The following NAV2 variants were observed in gnomAD, a reference collection of about 807,000 sequenced individuals.
NAV2 encodes helicase, APC down-regulated 1.
NAV2 carries 54 observed loss-of-function variants against 223.2 expected under a neutral mutation model. That is an observed-to-expected ratio of 0.24 (90% CI 0.19 to 0.30). The LOEUF (loss-of-function observed/expected upper bound fraction) is 0.30, where lower values mean the gene tolerates loss of function less well. Ranked by LOEUF, NAV2 falls within the 10% of genes least tolerant of loss-of-function variation. The pLI, the probability that NAV2 is intolerant of heterozygous loss-of-function variation, is 1.00. For missense variants in NAV2, 2,806 were observed against 3,147.5 expected (o/e 0.89, Z 2.60); for synonymous variants, 1,279 against 1,239.3 (o/e 1.03, Z -0.67).
chr11:20,012,364 T>C (rs1211611730), intron 11 of NAV2, among the ~76,000 whole-genome samples: 3 of 152,220 alleles, frequency 2.0e-5, no homozygotes, highest in Admixed American at 2.0e-4. Flanking sequence ...AATACCATGA[T>C]GGTGCCTACT....
chr11:19,488,459 A>G (rs552166315), intron 1 of NAV2, among the ~76,000 whole-genome samples: 1 of 152,324 alleles, frequency 6.6e-6, no homozygotes, highest in East Asian at 1.9e-4. Flanking sequence ...ATGCTTAATC[A>G]CGTGGCACAA....
intron 1 of NAV2, among the ~76,000 whole-genome samples, chr11:19,770,856 A>G (rs2055665245): frequency 6.6e-6 from 1 of 152,208 alleles, no homozygotes; most frequent in East Asian, 1.9e-4. Flanking sequence ...GTACATATCC[A>G]GATTCCCAGC....
chr11:19,624,351 C>A (rs1327856886), intron 1 of NAV2, among the ~76,000 whole-genome samples: 1 of 152,166 alleles, frequency 6.6e-6, no homozygotes, highest in African/African-American at 2.4e-5. Flanking sequence ...TTCAGCTATG[C>A]CCTGCCCCCA....
intron 1 of NAV2, among the ~76,000 whole-genome samples, chr11:19,550,624 CA>C (rs1488559734): frequency 6.6e-6 from 1 of 152,226 alleles, no homozygotes; most frequent in Non-Finnish European, 1.5e-5. Context: ...GCCACCTCTT[CA>C]GATGCTCAAT....
At chr11:19,947,594 G>C (rs762088222) in intron 9 of NAV2, among the ~76,000 whole-genome samples, 9 of 152,198 alleles carry the variant, frequency 5.9e-5, no homozygotes, top group Non-Finnish European at 1.3e-4. Context: ...TCTTCTGCAG[G>C]GAAGAATCTC....
At chr11:19,892,372 C>A in intron 5 of NAV2, 62 bp from the exon 6 acceptor site, 1 of 1,520,274 alleles carries the variant, frequency 6.6e-7, no homozygotes, top group Non-Finnish European at 8.9e-7. Flanking sequence ...GCAGTTCCTT[C>A]TTCCTACACA....
At chr11:19,912,654 T>C (rs906556395) in intron 6 of NAV2, among the ~76,000 whole-genome samples, 1 of 152,184 alleles carries the variant, frequency 6.6e-6, no homozygotes, top group African/African-American at 2.4e-5. Flanking sequence ...ACCATGTCCT[T>C]ATAGGCATGT....
chr11:19,736,680 G>T (rs2052331956), intron 1 of NAV2, among the ~76,000 whole-genome samples: 1 of 152,142 alleles, frequency 6.6e-6, no homozygotes, highest in Non-Finnish European at 1.5e-5. Flanking sequence ...CTCATAAAAG[G>T]CAAACCCAGG....
At chr11:19,965,341 C>T (rs1370315280) in intron 10 of NAV2, among the ~76,000 whole-genome samples, 1 of 152,122 alleles carries the variant, frequency 6.6e-6, no homozygotes, top group Non-Finnish European at 1.5e-5. Flanking sequence ...AAAATGTAAT[C>T]GCTCTTCTTT....
intron 1 of NAV2, among the ~76,000 whole-genome samples, chr11:19,562,552 C>T (rs1371553572): frequency 2.6e-5 from 4 of 152,102 alleles, no homozygotes; most frequent in Non-Finnish European, 5.9e-5. Flanking sequence ...ACTAAATCAG[C>T]AACAGAATAG....
At chr11:19,371,271 C>A (rs1848460041) in intron 1 of NAV2, among the ~76,000 whole-genome samples, 2 of 152,068 alleles carry the variant, frequency 1.3e-5, no homozygotes, top group Admixed American at 1.3e-4. Context: ...CGGGGCAATG[C>A]CGTTTGGAGA....
rs780621483 is a variant in NAV2 at position 20,036,002 on chromosome 11, A to G, written c.2812A>G (p.Ile938Val). ...CGTCAGCAGCGGCATCAGCGACACC[A>G]TAGACAACCTCAGCACTGATGACAT... ...SSVSSGISDTIDNLSTDDINT... is the reference protein window; with the variant it reads ...SSVSSGISDTVDNLSTDDINT... Residue 938 changes from isoleucine (I) to valine (V), a missense_variant, in exon 12 of 38, where the codon ATA becomes GTA. This residue lies in a region of NAV2 where 73 missense variants were observed against 119.7 expected (regional missense o/e 0.61). Coordinates refer to ENST00000349880, the MANE Select transcript of NAV2 (RefSeq NM_145117.5). 1.9e-6 allele frequency: 3 copies of G among 1,614,180 alleles called. No homozygotes were observed. The highest frequency in any genetic ancestry group is 2.5e-6 in the Non-Finnish European group (3 of 1,180,020).
intron 37 of NAV2, among the ~76,000 whole-genome samples, chr11:20,116,131 A>G (rs7125094): frequency 0.12 from 18,670 of 152,210 alleles, 1,994 homozygotes; most frequent in African/African-American, 0.29. Flanking sequence ...TGGCAGGCAT[A>G]GCAAAAAGAA....
chr11:19,833,320 A>G (rs2060053932), intron 2 of NAV2, among the ~76,000 whole-genome samples: 1 of 152,208 alleles, frequency 6.6e-6, no homozygotes, highest in South Asian at 2.1e-4. Context: ...GTGCAAGGAG[A>G]GGACAGGGCC....
chr11:19,621,111 C>T (rs940674267), intron 1 of NAV2, among the ~76,000 whole-genome samples: 1 of 152,118 alleles, frequency 6.6e-6, no homozygotes, highest in Admixed American at 6.6e-5. Flanking sequence ...GGAAAGAAGC[C>T]CACTTGATCA....
At position 19,836,768 on chromosome 11, in the gene NAV2, AAC is replaced by A. The variant is rs374736436; in HGVS notation, c.385+4169_385+4170del. Among the ~76,000 whole-genome samples, 241 of 152,262 alleles carry A rather than the reference AAC, an allele frequency of 1.6e-3. 1 individual carries two copies. Among genetic ancestry groups the A allele is most frequent in the African/African-American group, 5.5e-3 (228 of 41,538 alleles). On this transcript the variant is annotated intron_variant, in intron 2 of 37. Transcript: ENST00000349880. The stretch of plus-strand genomic sequence containing the variant: ...AAAATACCAGACTGAGTGGCATATA[AAC>A]AAAAGACATTTATTTCTTATGATTC...
At chr11:19,557,194 G>A (rs1314854531) in intron 1 of NAV2, among the ~76,000 whole-genome samples, 1 of 152,192 alleles carries the variant, frequency 6.6e-6, no homozygotes, top group African/African-American at 2.4e-5. Context: ...AATTCCACAA[G>A]AGACATGGTA....
At chr11:19,550,739 G>A (rs1289330462) in intron 1 of NAV2, among the ~76,000 whole-genome samples, 2 of 152,218 alleles carry the variant, frequency 1.3e-5, no homozygotes, top group African/African-American at 2.4e-5. Context: ...CTCCTGAGAT[G>A]GGGCTCGGAC....
At chr11:19,982,259 T>TTTTTG (rs1565694693) in intron 10 of NAV2, among the ~76,000 whole-genome samples, 7,512 of 135,560 alleles carry the variant, frequency 0.055, 604 homozygotes, top group African/African-American at 0.23. Context: ...TTTGTTTTTG[T>TTTTTG]TTTTGTTTTG....
Sources: allele counts gnomAD v4.1 joint callset (sites outside exome capture counted in the v4.1 genomes callset), GRCh38; gene constraint gnomAD v4.1.1; regional missense constraint gnomAD v4.1.1; transcripts MANE v1.5; gene names NCBI Gene and HGNC (gene_info 2026-07-23, HGNC 2026-07-21).